The following SOS1 variants were observed in gnomAD, a reference collection of about 807,000 sequenced individuals.
SOS1 encodes SOS Ras/Rac guanine nucleotide exchange factor 1.
In SOS1, 25 loss-of-function variants were observed where a neutral mutation model predicts 157.6. The observed-to-expected ratio is 0.16, with a 90% CI of 0.12 to 0.22. The LOEUF (loss-of-function observed/expected upper bound fraction) is 0.22. Ranked by LOEUF, SOS1 falls within the 10% of genes least tolerant of loss-of-function variation. SOS1 has a pLI of 1.00. For synonymous variants in SOS1, 528 were observed against 534.0 expected, an observed-to-expected ratio of 0.99 and a Z score of 0.16; for missense variants, 1,237 against 1,599.1, an observed-to-expected ratio of 0.77 and a Z score of 3.86.
At chr2:39,104,225 T>C (rs1673080438) in intron 1 of SOS1, among the ~76,000 whole-genome samples, 1 of 152,212 alleles carries the variant, frequency 6.6e-6, no homozygotes, top group Middle Eastern at 3.4e-3. Flanking sequence ...GAGGTTGCAG[T>C]GAGCCTAGAT....
intron 2 of SOS1, among the ~76,000 whole-genome samples, chr2:39,063,345 AG>A (rs5830557): frequency 0.9 from 136,357 of 152,152 alleles, 61,252 homozygotes; most frequent in Non-Finnish European, 0.93. Flanking sequence ...AGCATATGGG[AG>A]GGGTGTTCAT....
At chr2:39,118,627 A>G (rs1179858163) in intron 1 of SOS1, among the ~76,000 whole-genome samples, 2 of 152,232 alleles carry the variant, frequency 1.3e-5, no homozygotes, top group African/African-American at 4.8e-5. Flanking sequence ...TGACCTGTCT[A>G]AAGAAGGGAG....
At position 39,120,362 on chromosome 2, in the gene SOS1, C is replaced by G. The variant is rs771423136; in HGVS notation, c.61G>C (p.Gly21Arg). The G allele has an allele frequency of 6.3e-7, 1 of 1,596,618 alleles. No individual in the cohort carries two copies. The highest frequency in any genetic ancestry group is 1.1e-5 in the South Asian group (1 of 89,316). ...TTTTTCAGCGCAGGCACCAGTAGTC[C>G]CCGCCACTTGGGCGCGTTCTCTTCG... ...FSEENAPKWRGLLVPALKKVQ... is the reference protein window; with the variant it reads ...FSEENAPKWRRLLVPALKKVQ... The change falls in exon 1 of 23, where the codon GGA becomes CGA. Residue 21 changes from glycine (G) to arginine (R), a missense_variant. Transcript: ENST00000402219.
chr2:38,985,988 G>A lies in SOS1; in HGVS notation c.3838C>T (p.Gln1280Ter). Residue 1280 changes from glutamine (Q) to a stop codon, truncating the protein, a stop_gained, in exon 23 of 23, where the codon CAA becomes TAA. Coordinates refer to ENST00000402219, the MANE Select transcript of SOS1 (RefSeq NM_005633.4). LOFTEE classifies it high-confidence loss of function. ...GCAATGGAATGAAGGTCCACTTCTT[G>A]TGTCAATGGTGGTGATGGCAGATGC... Reference protein sequence around the residue: ...RRHLPSPPLTQEVDLHSIAGP... With the variant: ...RRHLPSPPLT 6.2e-7 allele frequency: 1 copy of A among 1,613,920 alleles called. No homozygotes were observed. The highest frequency in any genetic ancestry group is 8.5e-7 in the Non-Finnish European group (1 of 1,179,852).
rs1207657664 is a variant in SOS1 at position 38,997,445 on chromosome 2, G to T, written c.2792-20C>A. 10 of 1,553,444 alleles carry T rather than the reference G, an allele frequency of 6.4e-6. No homozygotes were observed. The highest frequency in any genetic ancestry group is 8.8e-6 in the Non-Finnish European group (10 of 1,132,312). On this transcript the variant is annotated intron_variant, in intron 17 of 22. Transcript: ENST00000402219. ...AAATTCCTAGAAGATATAATGGAAT[G>T]ATTTCAAGGATAAAGAAGGAAAATG...
At chr2:39,112,319 C>T (rs189927335) in intron 1 of SOS1, among the ~76,000 whole-genome samples, 1 of 152,316 alleles carries the variant, frequency 6.6e-6, no homozygotes, top group Admixed American at 6.5e-5. Context: ...TTCAGCACTG[C>T]TGAGCAATTC....
intron 1 of SOS1, chr2:39,098,067 T>C (rs569071166): frequency 6.6e-6 from 1 of 152,610 alleles, no homozygotes; most frequent in Non-Finnish European, 1.5e-5. Context: ...AAGAAAGACA[T>C]GAAAATTATT....
chr2:39,110,051 T>C (rs890955335), intron 1 of SOS1, among the ~76,000 whole-genome samples: 79 of 150,224 alleles, frequency 5.3e-4, no homozygotes, highest in Non-Finnish European at 7.0e-4. Context: ...TGTGTGTGTG[T>C]GTGTGTGTGT....
intron 21 of SOS1, 114 bp from the exon 22 acceptor site, chr2:38,987,705 C>T: frequency 1.5e-6 from 1 of 688,282 alleles, no homozygotes; most frequent in African/African-American, 1.8e-5. Flanking sequence ...GTAGAAATAC[C>T]AAAAGCTGTT....
In SOS1 at chr2:38,981,640, C is replaced by T. The variant is rs933968566; in HGVS notation, c.*4184G>A. On this transcript the variant is annotated 3_prime_UTR_variant, in exon 23 of 23. Transcript: ENST00000402219. ...ACAGCCGTTATTTTCACTTTAAATGCAAACCAAATACTGCTGCACACAGAG... is the reference window on the plus strand; with the variant it reads ...ACAGCCGTTATTTTCACTTTAAATGTAAACCAAATACTGCTGCACACAGAG... 6.6e-6 allele frequency: 1 copy of T among 151,968 alleles called. No individual in the cohort carries two copies. The highest frequency in any genetic ancestry group is 1.5e-5 in the Non-Finnish European group (1 of 67,992). The allele number at this position is 151,968 out of a possible 1,614,324, so 9.4% of individuals were successfully genotyped here. A position where few individuals can be genotyped will look rare whatever the true frequency, so the allele number is the denominator to read the frequency against.
intron 17 of SOS1, among the ~76,000 whole-genome samples, chr2:38,999,962 T>C (rs1183576958): frequency 6.6e-6 from 1 of 152,182 alleles, no homozygotes; most frequent in Non-Finnish European, 1.5e-5. Context: ...ACCAGTAACA[T>C]GAAGAGCAGT....
intron 20 of SOS1, among the ~76,000 whole-genome samples, chr2:38,994,922 G>A (rs920281331): frequency 6.6e-6 from 1 of 150,990 alleles, no homozygotes; most frequent in African/African-American, 2.4e-5. Flanking sequence ...ATTTAAAGAG[G>A]GCTGTTCCAG....
At chr2:39,055,973 A>G (rs965200756) in intron 4 of SOS1, among the ~76,000 whole-genome samples, 14 of 152,218 alleles carry the variant, frequency 9.2e-5, no homozygotes, top group African/African-American at 2.7e-4. Context: ...TTAACCTTCA[A>G]TAAGTGTTTG....
intron 1 of SOS1, among the ~76,000 whole-genome samples, chr2:39,099,687 A>G (rs908335837): frequency 2.0e-5 from 3 of 152,190 alleles, no homozygotes; most frequent in African/African-American, 7.2e-5. Context: ...GAAACAATCA[A>G]CACAATCAAA....
intron 1 of SOS1, among the ~76,000 whole-genome samples, chr2:39,109,546 C>T (rs1000069456): frequency 6.6e-6 from 1 of 152,154 alleles, no homozygotes. Context: ...AGGTTCAGGA[C>T]AATTAGAGCA....
Position 38,982,314 on chromosome 2 carries a change from G to T in SOS1, c.*3510C>A, listed in dbSNP as rs1215764418. On this transcript the variant is annotated 3_prime_UTR_variant, in exon 23 of 23. Transcript: ENST00000402219. ...ATAATATAGACTTCATGCTTCTTAA[G>T]TAGAGCTCAAAATATTTCATTGGCT... is the stretch of plus-strand genomic sequence containing the variant. 1 of 152,142 alleles carries T rather than the reference G, an allele frequency of 6.6e-6. No individual in the cohort carries two copies. The highest frequency in any genetic ancestry group is 1.5e-5 in the Non-Finnish European group (1 of 68,010). The allele number at this position is 152,142 out of a possible 1,614,324, so 9.4% of individuals were successfully genotyped here.
rs727503438 is a variant in SOS1, at chr2:39,054,782, A to G, written c.552T>C (p.Asn184=). ...GCTCTTCGTCAGTTAAAGATAATAT[A>G]TTAATATCTTCTACATCTTGATGAA... ...DMFHQDVEDI[N]ILSLTDEEPS... is the part of the protein sequence containing the mutation. Residue 184 remains asparagine (N), a synonymous_variant, in exon 5 of 23, where the codon AAT becomes AAC. Coordinates refer to ENST00000402219, the MANE Select transcript of SOS1 (RefSeq NM_005633.4). 16 of 1,557,816 alleles carry G rather than the reference A, an allele frequency of 1.0e-5. No individual in the cohort carries two copies. The highest frequency in any genetic ancestry group is 2.7e-6 in the Non-Finnish European group (3 of 1,129,026).
At position 39,107,160 on chromosome 2, in the gene SOS1, C is replaced by T. The variant is rs190561642; in HGVS notation, c.87+13176G>A. Among the ~76,000 whole-genome samples, 58 of 151,908 alleles carry T rather than the reference C, an allele frequency of 3.8e-4. 1 individual carries two copies. In the East Asian group the frequency reaches 0.01, roughly 27 times the overall value. The stretch of plus-strand genomic sequence containing the variant: ...AATGGGGAAAAACTGTACTTTATCC[C>T]GAATTAGGCAATTCATAGCCAGAGA... On this transcript the variant is annotated intron_variant, in intron 1 of 22. Transcript: ENST00000402219.
chr2:39,099,408 A>G (rs573184101), intron 1 of SOS1, among the ~76,000 whole-genome samples: 1 of 152,356 alleles, frequency 6.6e-6, no homozygotes, highest in East Asian at 1.9e-4. Flanking sequence ...ATCCATAAAG[A>G]CAGAAAATAG....
Sources: gnomAD v4.1 joint callset for allele counts (sites outside exome capture counted in the v4.1 genomes callset) on GRCh38, gnomAD v4.1.1 for gene constraint, MANE v1.5 for transcripts, NCBI Gene and HGNC (gene_info 2026-07-23, HGNC 2026-07-21) for gene names.